Variants in RUNX1 observed in about 807,000 individuals in gnomAD.
The protein encoded by RUNX1 is runt-related transcription factor 1.
RUNX1 carries 19 observed loss-of-function variants against 42.8 expected under a neutral mutation model. The ratio of observed to expected loss-of-function variants is 0.44; its 90% CI spans 0.31 to 0.65. The LOEUF (loss-of-function observed/expected upper bound fraction) is 0.65, where lower values mean the gene tolerates loss of function less well. Among genes scored for constraint, RUNX1 ranks in the 30% least tolerant of loss-of-function variants. The pLI, the probability that RUNX1 is intolerant of heterozygous loss-of-function variation, is 0.07. For synonymous variants in RUNX1, 271 were observed against 289.4 expected, an observed-to-expected ratio of 0.94 and a Z score of 0.64; for missense variants, 528 against 672.0, an observed-to-expected ratio of 0.79 and a Z score of 2.37.
intron 2 of RUNX1, among the ~76,000 whole-genome samples, chr21:34,913,084 TA>T (rs2058284769): frequency 6.6e-6 from 1 of 152,068 alleles, no homozygotes; most frequent in African/African-American, 2.4e-5. Flanking sequence ...TACAAAAAAT[TA>T]GCTGGGGGTG....
At position 34,872,914 on chromosome 21, in the gene RUNX1, T is replaced by A. The variant is rs192028726; in HGVS notation, c.508+7643A>T. On this transcript the variant is annotated intron_variant, in intron 5 of 8. Coordinates refer to ENST00000675419, the MANE Select transcript of RUNX1 (RefSeq NM_001754.5). ...AGCTGGGAAACACTGAGCAAGATTATGATCAAAATTGATAAGCAGGGAGAC... is the reference window on the plus strand; with the variant it reads ...AGCTGGGAAACACTGAGCAAGATTAAGATCAAAATTGATAAGCAGGGAGAC... Among the ~76,000 whole-genome samples the A allele has an allele frequency of 1.2e-4, 19 of 152,306 alleles. No individual in the cohort carries two copies. In the East Asian group the frequency reaches 3.5e-3, roughly 28 times the overall value.
intron 2 of RUNX1, among the ~76,000 whole-genome samples, chr21:34,941,627 C>T (rs1162571895): frequency 1.3e-5 from 2 of 152,232 alleles, no homozygotes; most frequent in Non-Finnish European, 2.9e-5. Flanking sequence ...AAAGAACTCA[C>T]TTAAATGTCA....
chr21:34,799,717 T>G (rs1365047646), intron 7 of RUNX1, among the ~76,000 whole-genome samples: 6 of 151,880 alleles, frequency 4.0e-5, no homozygotes, highest in Non-Finnish European at 7.3e-5. Context: ...ATGCTAACAA[T>G]GATGAGAGGA....
chr21:34,894,882 C>A (rs2058116366), intron 2 of RUNX1, among the ~76,000 whole-genome samples: 2 of 36,400 alleles, frequency 5.5e-5, no homozygotes, highest in South Asian at 1.3e-3. Context: ...TACATAGAAA[C>A]ACACACACAC....
intron 2 of RUNX1, among the ~76,000 whole-genome samples, chr21:35,032,507 C>T (rs929755905): frequency 6.6e-6 from 1 of 152,234 alleles, no homozygotes; most frequent in Non-Finnish European, 1.5e-5. Flanking sequence ...ACGGACCAGA[C>T]TTTATGATCA....
intron 2 of RUNX1, among the ~76,000 whole-genome samples, chr21:34,954,130 T>C (rs528540751): frequency 1.9e-4 from 29 of 152,348 alleles, no homozygotes; most frequent in African/African-American, 7.0e-4. Flanking sequence ...CCAGCACATT[T>C]AAGTCTCTTT....
chr21:34,862,531 G>A (rs2146254247), intron 5 of RUNX1, among the ~76,000 whole-genome samples: 2 of 152,314 alleles, frequency 1.3e-5, no homozygotes, highest in South Asian at 4.1e-4. Context: ...CTCCCCCTGA[G>A]GGCTCTAGGG....
chr21:35,003,120 A>G (rs181623948), intron 2 of RUNX1, among the ~76,000 whole-genome samples: 1 of 152,244 alleles, frequency 6.6e-6, no homozygotes, highest in East Asian at 1.9e-4. Context: ...CACATCATCA[A>G]CTCTCCTTCC....
chr21:35,040,791 A>AG (rs2059353057), intron 2 of RUNX1, among the ~76,000 whole-genome samples: 1 of 151,186 alleles, frequency 6.6e-6, no homozygotes, highest in African/African-American at 2.4e-5. Flanking sequence ...AAAAAAAAAA[A>AG]AAACCAACAA....
At chr21:35,044,829 T>C (rs893664035) in intron 2 of RUNX1, among the ~76,000 whole-genome samples, 1 of 152,244 alleles carries the variant, frequency 6.6e-6, no homozygotes, top group Non-Finnish European at 1.5e-5. Context: ...TTTGAGAGAA[T>C]GTAGGAACGT....
Position 34,792,311 on chromosome 21 carries a change from G to GCCCCCC in RUNX1, c.1266_1267insGGGGGG (p.Glu422_Arg423insGlyGly). 6.5e-7 allele frequency: 1 copy of GCCCCCC among 1,539,268 alleles called. No homozygotes were observed. On this transcript the variant is annotated inframe_insertion, in exon 9 of 9. Transcript: ENST00000675419. This position sits in a 1 kb window ranked among gnomAD's most constrained non-coding sequence, Gnocchi z 6.9. Reference sequence around the variant, plus strand: ...GGCGGCAGGATGCGCGGCGGCGAGCGCTCGCCGCCCACCATGGAGAACTGG... The same window carrying GCCCCCC: ...GGCGGCAGGATGCGCGGCGGCGAGCGCCCCCCCTCGCCGCCCACCATGGAGAACTGG...
chr21:34,940,328 A>G (rs995043951), intron 2 of RUNX1, among the ~76,000 whole-genome samples: 5 of 152,232 alleles, frequency 3.3e-5, no homozygotes, highest in Non-Finnish European at 7.3e-5. Flanking sequence ...CCCAAGTGGT[A>G]CACAGCCATT....
chr21:34,895,279 T>C (rs954476973), intron 2 of RUNX1, among the ~76,000 whole-genome samples: 1 of 152,234 alleles, frequency 6.6e-6, no homozygotes, highest in Admixed American at 6.5e-5. Context: ...TTTAGGACTT[T>C]CCTAGATACA....
chr21:35,043,009 G>T (rs2059370382), intron 2 of RUNX1, among the ~76,000 whole-genome samples: 1 of 152,182 alleles, frequency 6.6e-6, no homozygotes, highest in Admixed American at 6.5e-5. Flanking sequence ...AGCCAAGAGA[G>T]TATAACACGT....
chr21:34,801,664 A>AGCAG (rs1452490111), intron 7 of RUNX1, among the ~76,000 whole-genome samples: 2 of 152,210 alleles, frequency 1.3e-5, no homozygotes, highest in Non-Finnish European at 2.9e-5. Context: ...ATGAGACCAC[A>AGCAG]GTGACCTGTG....
At chr21:34,885,847 G>C (rs536574877) in intron 4 of RUNX1, among the ~76,000 whole-genome samples, 1 of 152,030 alleles carries the variant, frequency 6.6e-6, no homozygotes, top group East Asian at 1.9e-4. Flanking sequence ...TTACTTAGTC[G>C]CATCTTTTCA....
At chr21:34,834,289 T>G (rs757404287) in intron 7 of RUNX1, 121 bp downstream of exon 7, 8 of 1,069,584 alleles carry the variant, frequency 7.5e-6, no homozygotes, top group Middle Eastern at 3.9e-4. Flanking sequence ...GTTCGAGGCC[T>G]TTCTCTGAGC....
intron 7 of RUNX1, chr21:34,833,888 T>G: frequency 4.0e-6 from 1 of 252,280 alleles, no homozygotes; most frequent in Non-Finnish European, 8.1e-6. Flanking sequence ...GATTTGCAAA[T>G]AACACCCTTG....
In RUNX1 at chr21:34,975,125, A is replaced by T. The variant is rs901462412; in HGVS notation, c.58+73717T>A. Among the ~76,000 whole-genome samples, 14 of 152,370 alleles carry T rather than the reference A, an allele frequency of 9.2e-5. 1 individual carries two copies. The East Asian group carries it at 2.7e-3, about 29-fold the overall frequency. On this transcript the variant is annotated intron_variant, in intron 2 of 8. Coordinates refer to ENST00000675419, the MANE Select transcript of RUNX1 (RefSeq NM_001754.5). Reference sequence around the variant, plus strand: ...AAAAGAGAAGGCAAGCAAGTGTAATACTAGGCAGAGCCAGCTAGTAAGTGG... The same window carrying T: ...AAAAGAGAAGGCAAGCAAGTGTAATTCTAGGCAGAGCCAGCTAGTAAGTGG...
Sources: allele counts gnomAD v4.1 joint callset (sites outside exome capture counted in the v4.1 genomes callset), GRCh38; gene constraint gnomAD v4.1.1; non-coding constraint Gnocchi (gnomAD v3.1); transcripts MANE v1.5; gene names NCBI Gene and HGNC (gene_info 2026-07-23, HGNC 2026-07-21).